Variants in FHIT observed in about 807,000 individuals in gnomAD.
FHIT encodes the protein fragile histidine triad diadenosine triphosphatase, also known as bis(5'-adenosyl)-triphosphatase.
FHIT carries 19 observed loss-of-function variants against 17.9 expected under a neutral mutation model. The observed-to-expected ratio is 1.06, with a 90% CI of 0.74 to 1.56. FHIT has a LOEUF of 1.56. FHIT is among the 40% of genes most tolerant of loss of function. FHIT has a pLI of 0.00. For missense variants in FHIT, 248 were observed against 189.2 expected (o/e 1.31, Z -1.82); for synonymous variants, 81 against 69.7 (o/e 1.16, Z -0.81).
chr3:60,971,266 A>T (rs941461355), intron 3 of FHIT, among the ~76,000 whole-genome samples: 1 of 152,166 alleles, frequency 6.6e-6, no homozygotes, highest in Non-Finnish European at 1.5e-5. Flanking sequence ...GCTACTCAGG[A>T]GTCTGAGGCA....
intron 4 of FHIT, among the ~76,000 whole-genome samples, chr3:60,664,044 G>C (rs1353298923): frequency 6.6e-6 from 1 of 152,032 alleles, no homozygotes; most frequent in Non-Finnish European, 1.5e-5. Context: ...TTGAATAAAA[G>C]TCATGAGAGT....
intron 5 of FHIT, among the ~76,000 whole-genome samples, chr3:60,197,031 A>T (rs906353780): frequency 6.6e-6 from 1 of 152,200 alleles, no homozygotes; most frequent in African/African-American, 2.4e-5. Context: ...ACGTAGACAG[A>T]TAAAAGAACT....
chr3:60,046,983 T>C (rs370764222), intron 5 of FHIT, among the ~76,000 whole-genome samples: 1 of 152,334 alleles, frequency 6.6e-6, no homozygotes, highest in African/African-American at 2.4e-5. Context: ...GCACATCCAC[T>C]GAATATTAAG....
chr3:60,325,113 A>ATT (rs33969323), intron 5 of FHIT, among the ~76,000 whole-genome samples: 2,461 of 151,946 alleles, frequency 0.016, 68 homozygotes, highest in African/African-American at 0.056. Context: ...AGAGAAAACA[A>ATT]TTTTTTTCAT....
intron 5 of FHIT, among the ~76,000 whole-genome samples, chr3:60,524,818 G>C (rs1023521790): frequency 1.1e-4 from 16 of 152,218 alleles, no homozygotes; most frequent in African/African-American, 3.9e-4. Context: ...GATTTGCCTG[G>C]CTGATCCAGG....
chr3:60,879,199 G>A lies in FHIT; in HGVS notation c.-110-57188C>T, dbSNP rs985000442. Among the ~76,000 whole-genome samples the A allele has an allele frequency of 2.6e-5, 4 of 152,134 alleles. No individual in the cohort carries two copies. In the East Asian group the frequency reaches 5.8e-4, roughly 22 times the overall value. ...TCGCCATTCTAACTGGTGTAAGATG[G>A]TATCTCATTGTGGTTTTGATTTGCA... On this transcript the variant is annotated intron_variant, in intron 3 of 9. Transcript: ENST00000492590.
intron 7 of FHIT, among the ~76,000 whole-genome samples, chr3:59,925,793 C>G (rs1375434168): frequency 6.6e-6 from 1 of 152,178 alleles, no homozygotes. Flanking sequence ...GCTGATCACA[C>G]GATGCTGACA....
At chr3:60,032,905 C>T (rs1701060866) in intron 5 of FHIT, among the ~76,000 whole-genome samples, 1 of 152,058 alleles carries the variant, frequency 6.6e-6, no homozygotes, top group African/African-American at 2.4e-5. Flanking sequence ...CTGGAGCCCA[C>T]CTTAGAGCTA....
At chr3:60,496,233 T>TA (rs1197763455) in intron 5 of FHIT, among the ~76,000 whole-genome samples, 1 of 151,176 alleles carries the variant, frequency 6.6e-6, no homozygotes, top group South Asian at 2.1e-4. Flanking sequence ...AAGCGAGAAA[T>TA]AAAAAAAAGT....
At chr3:60,894,933 C>T (rs1299694638) in intron 3 of FHIT, among the ~76,000 whole-genome samples, 1 of 152,134 alleles carries the variant, frequency 6.6e-6, no homozygotes, top group African/African-American at 2.4e-5. Context: ...CTAGGAATTA[C>T]AGTAGTCTCT....
At chr3:60,151,136 C>T (rs561561438) in intron 5 of FHIT, among the ~76,000 whole-genome samples, 22 of 152,210 alleles carry the variant, frequency 1.4e-4, no homozygotes, top group Admixed American at 2.6e-4. Flanking sequence ...AAAGACTGGA[C>T]ATGAGAATTA....
At chr3:59,918,449 G>T (rs1242976438) in intron 8 of FHIT, among the ~76,000 whole-genome samples, 4 of 152,098 alleles carry the variant, frequency 2.6e-5, no homozygotes, top group African/African-American at 9.7e-5. Flanking sequence ...TGAAATCAGA[G>T]AACAGTGAAA....
intron 8 of FHIT, among the ~76,000 whole-genome samples, chr3:59,753,654 G>C (rs1701041678): frequency 1.3e-5 from 2 of 152,002 alleles, no homozygotes; most frequent in African/African-American, 4.8e-5. Flanking sequence ...TAGCACCAAT[G>C]ATAGCTAGCA....
At chr3:60,833,033 G>T (rs1453147496) in intron 3 of FHIT, among the ~76,000 whole-genome samples, 1 of 152,122 alleles carries the variant, frequency 6.6e-6, no homozygotes, top group Non-Finnish European at 1.5e-5. Flanking sequence ...ATATTTATAG[G>T]TCTCTTTCCT....
intron 8 of FHIT, among the ~76,000 whole-genome samples, chr3:59,756,387 G>A (rs953831936): frequency 3.3e-5 from 5 of 152,062 alleles, no homozygotes; most frequent in Non-Finnish European, 5.9e-5. Context: ...GGTATTAATC[G>A]AGGCTTCTCA....
chr3:60,569,755 A>ATATATATTTTTTT, intron 4 of FHIT, among the ~76,000 whole-genome samples: 12 of 77,338 alleles, frequency 1.6e-4, no homozygotes, highest in South Asian at 1.1e-3. Flanking sequence ...ATATATATAT[A>ATATATATTTTTTT]TTTTTTTTTT....
At chr3:60,479,286 T>G (rs1049181773) in intron 5 of FHIT, among the ~76,000 whole-genome samples, 3 of 152,140 alleles carry the variant, frequency 2.0e-5, no homozygotes, top group Non-Finnish European at 4.4e-5. Context: ...TCCTAGGAGA[T>G]GACTATCATA....
chr3:60,614,076 T>C (rs1488764019), intron 4 of FHIT, among the ~76,000 whole-genome samples: 1 of 151,988 alleles, frequency 6.6e-6, no homozygotes, highest in East Asian at 1.9e-4. Flanking sequence ...GCAAGCAAAG[T>C]GGCAGCATTA....
intron 4 of FHIT, among the ~76,000 whole-genome samples, chr3:60,699,395 T>C (rs1022798139): frequency 6.6e-6 from 1 of 152,152 alleles, no homozygotes; most frequent in Non-Finnish European, 1.5e-5. Flanking sequence ...CTGAGAAATA[T>C]CAATTTTTTG....
Sources: allele counts gnomAD v4.1 joint callset (sites outside exome capture counted in the v4.1 genomes callset), GRCh38; gene constraint gnomAD v4.1.1; transcripts MANE v1.5; gene names NCBI Gene and HGNC (gene_info 2026-07-23, HGNC 2026-07-21).